The following COL9A2 variants were observed in gnomAD, a reference collection of about 807,000 sequenced individuals.
COL9A2 encodes the protein collagen alpha-2(IX) chain.
COL9A2 carries 66 observed loss-of-function variants against 111.6 expected under a neutral mutation model. The ratio of observed to expected loss-of-function variants is 0.59; its 90% CI spans 0.48 to 0.73. The LOEUF (loss-of-function observed/expected upper bound fraction) is 0.73. Ranked by LOEUF, COL9A2 falls within the 30% of genes least tolerant of loss-of-function variation. The pLI, the probability that COL9A2 is intolerant of heterozygous loss-of-function variation, is 0.00. For synonymous variants in COL9A2, 353 were observed against 364.1 expected, an observed-to-expected ratio of 0.97 and a Z score of 0.35; for missense variants, 881 against 954.1, an observed-to-expected ratio of 0.92 and a Z score of 1.01.
rs1314145858 is a variant in COL9A2 at position 40,301,242 on chromosome 1, A to G, written c.2010T>C (p.Leu670=). ...LPGFCEPAAC[L]GASAYASARL... ...GGGCAGAGGCATAGGCCGAAGCTCC[A>G]AGGCAGGCGGCAGGTTCACAGAAGC... is the stretch of plus-strand genomic sequence containing the variant. Residue 670 remains leucine (L), a synonymous_variant, in exon 32 of 32, where the codon CTT becomes CTC. Coordinates refer to ENST00000372748, the MANE Select transcript of COL9A2 (RefSeq NM_001852.4). The G allele has an allele frequency of 6.2e-7, 1 of 1,614,146 alleles. No individual in the cohort carries two copies. The highest frequency in any genetic ancestry group is 1.7e-5 in the Admixed American group (1 of 60,026).
Position 40,302,688 on chromosome 1 carries a change from G to A in COL9A2, c.1725C>T (p.His575=), listed in dbSNP as rs1467143123. The part of the protein sequence containing the change: ...GYPGKQGPHG[H]PGPRGVPGIV... Reference sequence around the variant, plus strand: ...TGCCAGGAACGCCCCGAGGGCCAGGGTGCCCATGGGGGCCCTGCTTGCCTG... The same window carrying A: ...TGCCAGGAACGCCCCGAGGGCCAGGATGCCCATGGGGGCCCTGCTTGCCTG... Residue 575 remains histidine, a synonymous_variant, in exon 30 of 32, where the codon CAC becomes CAT. Coordinates refer to ENST00000372748, the MANE Select transcript of COL9A2 (RefSeq NM_001852.4). The surrounding 1 kb of genome is among the most constrained non-coding windows in gnomAD (Gnocchi z 4.5). 5.6e-6 allele frequency: 9 copies of A among 1,594,504 alleles called. No homozygotes were observed. The highest frequency in any genetic ancestry group is 6.0e-6 in the Non-Finnish European group (7 of 1,171,938).
chr1:40,305,727 G>C lies in COL9A2; in HGVS notation c.1095C>G (p.Pro365=). ...AGGGGGCATTTACCTCTTTCCCAGG[G>C]GGACCAGAGAATCCAGGAAGGCCCT... ...GPQGLPGFSG[P]PGKEGEPGPR... is the part of the protein sequence containing the mutation. The change falls in exon 21 of 32, where the codon CCC becomes CCG. Residue 365 remains proline, a synonymous_variant. Coordinates refer to ENST00000372748, the MANE Select transcript of COL9A2 (RefSeq NM_001852.4). 1 of 1,614,086 alleles carries C rather than the reference G, an allele frequency of 6.2e-7. No homozygotes were observed. Among genetic ancestry groups the C allele is most frequent in the Non-Finnish European group, 8.5e-7 (1 of 1,180,006 alleles).
rs1459319055 is a variant in COL9A2 at position 40,303,636 on chromosome 1, C to T, written c.1442G>A (p.Gly481Glu). 4 of 1,590,306 alleles carry T rather than the reference C, an allele frequency of 2.5e-6. No homozygotes were observed. The highest frequency in any genetic ancestry group is 3.4e-6 in the Non-Finnish European group (4 of 1,169,258). The change falls in exon 28 of 32, where the codon GGG becomes GAG. Residue 481 changes from glycine (G) to glutamate (E), a missense_variant. By Grantham distance (98) the Gly-to-Glu change is moderately conservative (BLOSUM62 -2). Coordinates refer to ENST00000372748, the MANE Select transcript of COL9A2 (RefSeq NM_001852.4). The surrounding 1 kb of genome is among the most constrained non-coding windows in gnomAD (Gnocchi z 4.6). The stretch of plus-strand genomic sequence containing the variant: ...CTGAACCCCTGGGGCGCCCGCATCC[C>T]CGCTGGGGCCAGGGTAGCCGGGTTC... ...RGEPGYPGPS[G>E]DAGAPGVQGY...
chr1:40,315,952 G>T (rs907298444), intron 1 of COL9A2: 5 of 350,098 alleles, frequency 1.4e-5, no homozygotes, highest in Non-Finnish European at 2.6e-5. Context: ...GGGCGGCGGC[G>T]CCAGGAGTCC....
At chr1:40,305,128 C>T (rs968410725) in intron 21 of COL9A2, 31 of 290,826 alleles carry the variant, frequency 1.1e-4, no homozygotes, top group Non-Finnish European at 1.5e-4. Context: ...AATGCAGTGG[C>T]GCGATCTCCG....
rs1365606717 is a variant in COL9A2 at position 40,303,865 on chromosome 1, C to T, written c.1369-26G>A. 2 of 1,549,692 alleles carry T rather than the reference C, an allele frequency of 1.3e-6. No homozygotes were observed. The highest frequency in any genetic ancestry group is 1.7e-6 in the Non-Finnish European group (2 of 1,147,354). On this transcript the variant is annotated intron_variant, in intron 26 of 31. Transcript: ENST00000372748. This position sits in a 1 kb window ranked among gnomAD's most constrained non-coding sequence, Gnocchi z 4.6. ...CTGCAGGCACAAGGAGCAGCGGTCACGAAGCCGCGGGGACCCCGGGGCCAG... is the reference window on the plus strand; with the variant it reads ...CTGCAGGCACAAGGAGCAGCGGTCATGAAGCCGCGGGGACCCCGGGGCCAG...
intron 22 of COL9A2, 91 bp from the exon 23 acceptor site, chr1:40,304,620 C>T: frequency 6.7e-7 from 1 of 1,497,348 alleles, no homozygotes; most frequent in Non-Finnish European, 9.2e-7. Context: ...TCAGGGTGCC[C>T]TCCATTCCTG....
chr1:40,306,703 G>C (rs1401205078), intron 19 of COL9A2, among the ~76,000 whole-genome samples: 1 of 152,196 alleles, frequency 6.6e-6, no homozygotes, highest in South Asian at 2.1e-4. Context: ...AGGGGCCATT[G>C]CTGATATGGC....
chr1:40,315,309 A>C, intron 2 of COL9A2: 1 of 1,264,000 alleles, frequency 7.9e-7, no homozygotes, highest in East Asian at 3.7e-5. Context: ...AAGGAGGGGA[A>C]AGGAGAGGAG....
Position 40,303,045 on chromosome 1 carries a change from C to G in COL9A2, c.1603+86G>C. On this transcript the variant is annotated intron_variant, in intron 29 of 31. Transcript: ENST00000372748. The surrounding 1 kb of genome is among the most constrained non-coding windows in gnomAD (Gnocchi z 4.6). ...GCCCCCAGGACTCCAGATTTTCAGA[C>G]AAGTGAACACGTGGAGGCTCCGGGA... 2.8e-6 allele frequency: 4 copies of G among 1,415,678 alleles called. No homozygotes were observed. Among genetic ancestry groups the G allele is most frequent in the Non-Finnish European group, 3.9e-6 (4 of 1,022,542 alleles). 87.7% of individuals were successfully genotyped at this position (1,415,678 alleles called of 1,614,324 possible). A position where few individuals can be genotyped will look rare whatever the true frequency, so the allele number is the denominator to read the frequency against.
Position 40,317,151 on chromosome 1 carries a change from T to C in COL9A2, c.47A>G (p.Gln16Arg). 6.3e-7 allele frequency: 1 copy of C among 1,587,812 alleles called. No individual in the cohort carries two copies. Among genetic ancestry groups the C allele is most frequent in the Non-Finnish European group, 8.6e-7 (1 of 1,167,368 alleles). Residue 16 changes from glutamine to arginine, a missense_variant, in exon 1 of 32, where the codon CAG (glutamine) becomes CGG (arginine). Coordinates refer to ENST00000372748, the MANE Select transcript of COL9A2 (RefSeq NM_001852.4). The surrounding 1 kb of genome is among the most constrained non-coding windows in gnomAD (Gnocchi z 4.3). ...CTGCGCCAGAGCGAGCACTACCACC[T>C]GGAGGAGAACAAGGAGGCTGCGGGG... ...ASPRSLLVLL[Q>R]VVVLALAQIR...
chr1:40,307,476 C>T lies in COL9A2; in HGVS notation c.978G>A (p.Gln326=). Reference sequence around the variant, plus strand: ...GGCCCTGGTGGCCTGGACTTCCGGGCTGTCCCGCCTGTCCTGCACTGCCCT... The same window carrying T: ...GGCCCTGGTGGCCTGGACTTCCGGGTTGTCCCGCCTGTCCTGCACTGCCCT... The part of the protein sequence containing the change: ...GMKGSAGQAG[Q]PGSPGHQGLA... Residue 326 remains glutamine, a synonymous_variant, in exon 19 of 32, where the codon CAG becomes CAA. Coordinates refer to ENST00000372748, the MANE Select transcript of COL9A2 (RefSeq NM_001852.4). This position sits in a 1 kb window ranked among gnomAD's most constrained non-coding sequence, Gnocchi z 4.8. 2 of 1,614,152 alleles carry T rather than the reference C, an allele frequency of 1.2e-6. No homozygotes were observed. The highest frequency in any genetic ancestry group is 8.5e-7 in the Non-Finnish European group (1 of 1,180,012).
In COL9A2 at chr1:40,302,820, G is replaced by GGAGA; in HGVS notation, c.1604-12_1604-11insTCTC. ...CCTCTGCCAGTTGCTCTGGAGGGAG[G>GGAGA]GAGGGAGGGAGGGAGAGGGAAGTCT... On this transcript the variant is annotated splice_polypyrimidine_tract_variant and intron_variant, in intron 29 of 31. Coordinates refer to ENST00000372748, the MANE Select transcript of COL9A2 (RefSeq NM_001852.4). This position sits in a 1 kb window ranked among gnomAD's most constrained non-coding sequence, Gnocchi z 4.5. The GGAGA allele has an allele frequency of 6.6e-7, 1 of 1,523,382 alleles. No homozygotes were observed. Among genetic ancestry groups the GGAGA allele is most frequent in the Non-Finnish European group, 8.8e-7 (1 of 1,137,478 alleles). The allele number at this position is 1,523,382 out of a possible 1,614,324, so 94.4% of individuals were successfully genotyped here.
intron 17 of COL9A2, 129 bp downstream of exon 17, chr1:40,308,063 C>T (rs1242672634): frequency 2.0e-5 from 18 of 908,832 alleles, no homozygotes; most frequent in South Asian, 4.3e-5. Flanking sequence ...GAGGCATTTC[C>T]TGAGGTTATG....
intron 31 of COL9A2, 111 bp downstream of exon 31, chr1:40,301,701 A>G (rs951954434): frequency 5.2e-5 from 55 of 1,051,758 alleles, no homozygotes; most frequent in Non-Finnish European, 7.2e-5. Context: ...CTGGGTATCA[A>G]GGACTGAGCT....
rs1429819835 is a variant in COL9A2 at position 40,314,170 on chromosome 1, C to A, written c.249+35G>T. 1.2e-6 allele frequency: 2 copies of A among 1,608,478 alleles called. No homozygotes were observed. The highest frequency in any genetic ancestry group is 1.7e-6 in the Non-Finnish European group (2 of 1,175,308). On this transcript the variant is annotated intron_variant, in intron 4 of 31. Transcript: ENST00000372748. This position sits in a 1 kb window ranked among gnomAD's most constrained non-coding sequence, Gnocchi z 4.1. ...AGGCCCTGGAGGTCAATTGGCAGAG[C>A]CCTACCCTGCCCCACCCGACACTCA...
chr1:40,307,788 T>A lies in COL9A2; in HGVS notation c.901-32A>T. 1.2e-6 allele frequency: 2 copies of A among 1,612,270 alleles called. No homozygotes were observed. Among genetic ancestry groups the A allele is most frequent in the Non-Finnish European group, 1.7e-6 (2 of 1,178,480 alleles). ...AGGAGGAAAGTTCAAGGGAGAGTGA[T>A]AATGCGGAGATGTCTGGGGTCTGGC... On this transcript the variant is annotated intron_variant, in intron 17 of 31. Transcript: ENST00000372748. The surrounding 1 kb of genome is among the most constrained non-coding windows in gnomAD (Gnocchi z 4.8).
At position 40,312,008 on chromosome 1, in the gene COL9A2, G is replaced by C; in HGVS notation, c.417+51C>G. ...TCCAGAAAGACCACCCAGCTTGCCA[G>C]CTTGGAGATAGAAGGCAGGAGGCAG... On this transcript the variant is annotated intron_variant, in intron 8 of 31. Transcript: ENST00000372748. The surrounding 1 kb of genome is among the most constrained non-coding windows in gnomAD (Gnocchi z 6.0). 2 of 1,556,250 alleles carry C rather than the reference G, an allele frequency of 1.3e-6. No individual in the cohort carries two copies. The highest frequency in any genetic ancestry group is 1.8e-6 in the Non-Finnish European group (2 of 1,141,976).
intron 16 of COL9A2, 51 bp downstream of exon 16, chr1:40,309,887 C>T (rs1416982502): frequency 6.9e-6 from 11 of 1,596,842 alleles, no homozygotes; most frequent in Admixed American, 1.7e-5. Flanking sequence ...CCTTGTCCTG[C>T]CCAGTACTCC....
Sources: allele counts gnomAD v4.1 joint callset (sites outside exome capture counted in the v4.1 genomes callset), GRCh38; gene constraint gnomAD v4.1.1; non-coding constraint Gnocchi (gnomAD v3.1); transcripts MANE v1.5; gene names NCBI Gene and HGNC (gene_info 2026-07-23, HGNC 2026-07-21).